NRIP3: variants seen among roughly 807,000 people sequenced by gnomAD.
NRIP3 encodes nuclear receptor-interacting protein 3.
Under a neutral mutation model 29.0 loss-of-function variants are expected in NRIP3, and 31 were observed. The observed-to-expected ratio is 1.07, with a 90% CI of 0.80 to 1.44. NRIP3 has a LOEUF of 1.44. Among genes scored for constraint, NRIP3 ranks in the 40% most tolerant of loss-of-function variants. The probability of loss-of-function intolerance (pLI) is 0.00; values close to 1 mark genes in which losing one functional copy is unlikely to be tolerated. For synonymous variants in NRIP3, 131 were observed against 118.3 expected, an observed-to-expected ratio of 1.11 and a Z score of -0.70; for missense variants, 314 against 297.9, an observed-to-expected ratio of 1.05 and a Z score of -0.40.
At chr11:8,993,918 G>C (rs1183759518) in intron 1 of NRIP3, among the ~76,000 whole-genome samples, 2 of 151,302 alleles carry the variant, frequency 1.3e-5, no homozygotes, top group African/African-American at 2.4e-5. Flanking sequence ...CCTAACACAA[G>C]CAACAGCTTT....
Position 8,992,705 on chromosome 11 carries a change from T to C in NRIP3, c.175-4423A>G, listed in dbSNP as rs1219913763. On this transcript the variant is annotated intron_variant, in intron 1 of 6. Coordinates refer to ENST00000309166, the MANE Select transcript of NRIP3 (RefSeq NM_020645.3). The stretch of plus-strand genomic sequence containing the variant: ...GTGGGCGGATCACGAGATCAGGAGT[T>C]CGAGACCAGCCTGGCCAAGCCAACA... Among the ~76,000 whole-genome samples the C allele has an allele frequency of 2.0e-5, 3 of 151,916 alleles. No homozygotes were observed. The East Asian group carries it at 5.8e-4, about 29-fold the overall frequency.
upstream of NRIP3, chr11:9,004,200 C>T (rs778359408): frequency 2.2e-5 from 7 of 319,186 alleles, no homozygotes; most frequent in Non-Finnish European, 4.0e-5. Flanking sequence ...GGGGACTGAC[C>T]CGGCAGTCCG....
chr11:8,999,490 G>C (rs1252375043), intron 1 of NRIP3, among the ~76,000 whole-genome samples: 2 of 152,080 alleles, frequency 1.3e-5, no homozygotes. Flanking sequence ...TCACCCCTCT[G>C]CTCAAAATAT....
chr11:9,003,693 G>T, intron 1 of NRIP3, 69 bp downstream of exon 1: 6 of 1,334,266 alleles, frequency 4.5e-6, no homozygotes, highest in Non-Finnish European at 5.8e-6. Context: ...AAGCCGCAAC[G>T]GCCGGGCCTC....
intron 1 of NRIP3, among the ~76,000 whole-genome samples, chr11:8,989,413 A>G (rs1854564410): frequency 6.6e-6 from 1 of 152,190 alleles, no homozygotes; most frequent in Non-Finnish European, 1.5e-5. Flanking sequence ...CTTTCATTCT[A>G]TGGGGAAGGA....
intron 1 of NRIP3, among the ~76,000 whole-genome samples, chr11:8,992,771 G>A (rs1057433016): frequency 1.4e-4 from 21 of 152,078 alleles, no homozygotes; most frequent in Admixed American, 7.9e-4. Context: ...AAAATTAGCC[G>A]GGCGTGGTGG....
intron 1 of NRIP3, among the ~76,000 whole-genome samples, chr11:8,998,950 C>T (rs1854755313): frequency 6.6e-6 from 1 of 151,934 alleles, no homozygotes; most frequent in Admixed American, 6.6e-5. Context: ...CTACAGGTGC[C>T]CGCCACCAGG....
At position 8,985,709 on chromosome 11, in the gene NRIP3, A is replaced by G; in HGVS notation, c.562+2T>C. ...ATAGGTCCAGCCCTCAATTCTGCTT[A>G]CCAACCACAGCTGCTGGGCAGTCCA... On this transcript the variant is annotated splice_donor_variant, in intron 4 of 6. Coordinates refer to ENST00000309166, the MANE Select transcript of NRIP3 (RefSeq NM_020645.3). LOFTEE classifies it high-confidence loss of function. 1.2e-6 allele frequency: 2 copies of G among 1,613,592 alleles called. No homozygotes were observed. The highest frequency in any genetic ancestry group is 8.5e-7 in the Non-Finnish European group (1 of 1,179,938).
intron 1 of NRIP3, among the ~76,000 whole-genome samples, chr11:8,994,508 C>A (rs1467809556): frequency 6.6e-6 from 1 of 152,126 alleles, no homozygotes; most frequent in Non-Finnish European, 1.5e-5. Flanking sequence ...AGGTATAATG[C>A]CAGGTTATCT....
intron 1 of NRIP3, among the ~76,000 whole-genome samples, chr11:8,994,689 A>G (rs1388034402): frequency 6.6e-6 from 1 of 152,208 alleles, no homozygotes; most frequent in African/African-American, 2.4e-5. Flanking sequence ...AATAAACTCA[A>G]CATTTCATTT....
At chr11:9,001,652 A>G (rs1391091494) in intron 1 of NRIP3, among the ~76,000 whole-genome samples, 3 of 152,230 alleles carry the variant, frequency 2.0e-5, no homozygotes. Flanking sequence ...ATGTATTTAT[A>G]AAGTAAAAGA....
At chr11:8,983,818 C>T (rs1854460947) in intron 6 of NRIP3, 57 bp downstream of exon 6, 2 of 1,424,522 alleles carry the variant, frequency 1.4e-6, no homozygotes, top group African/African-American at 1.4e-5. Context: ...CACCACCACC[C>T]TGCTCGCAGC....
chr11:9,000,820 G>T (rs931108112), intron 1 of NRIP3, among the ~76,000 whole-genome samples: 7 of 152,028 alleles, frequency 4.6e-5, no homozygotes, highest in African/African-American at 1.7e-4. Context: ...TGTAATCCCA[G>T]CACTTTGGGA....
intron 2 of NRIP3, 137 bp from the exon 3 acceptor site, chr11:8,987,767 C>G: frequency 1.4e-6 from 1 of 711,580 alleles, no homozygotes; most frequent in Non-Finnish European, 2.5e-6. Flanking sequence ...AGTGTCCCAT[C>G]TTTACCCACT....
chr11:8,989,428 AC>A (rs778346318), intron 1 of NRIP3, among the ~76,000 whole-genome samples: 3 of 152,152 alleles, frequency 2.0e-5, no homozygotes, highest in African/African-American at 2.4e-5. Context: ...GAAGGAAGTC[AC>A]TCTTAGAAGC....
intron 3 of NRIP3, among the ~76,000 whole-genome samples, chr11:8,987,208 G>A (rs537681693): frequency 2.0e-5 from 3 of 152,094 alleles, no homozygotes; most frequent in Non-Finnish European, 4.4e-5. Flanking sequence ...TATACCAACA[G>A]GACAGCTCCT....
chr11:8,984,381 G>A (rs1421959190), intron 4 of NRIP3, among the ~76,000 whole-genome samples: 1 of 151,998 alleles, frequency 6.6e-6, no homozygotes, highest in Non-Finnish European at 1.5e-5. Flanking sequence ...TCCTGCCTCA[G>A]CCTCTGGAGT....
At position 8,982,662 on chromosome 11, in the gene NRIP3, A is replaced by T. The variant is rs1854440307; in HGVS notation, c.*883T>A. 4.6e-6 allele frequency: 1 copy of T among 215,940 alleles called. No homozygotes were observed. Among genetic ancestry groups the T allele is most frequent in the Non-Finnish European group, 9.3e-6 (1 of 107,234 alleles). 13.4% of individuals were successfully genotyped at this position (215,940 alleles called of 1,614,324 possible). ...CCTTTCCTCCAAGAGGTTCACAGTG[A>T]GAAACCATTTCATTCATCTTTGTAC... On this transcript the variant is annotated 3_prime_UTR_variant, in exon 7 of 7. Coordinates refer to ENST00000309166, the MANE Select transcript of NRIP3 (RefSeq NM_020645.3).
chr11:8,989,980 A>T (rs1363810148), intron 1 of NRIP3, among the ~76,000 whole-genome samples: 1 of 152,218 alleles, frequency 6.6e-6, no homozygotes, highest in Non-Finnish European at 1.5e-5. Context: ...CTTGCTAAAC[A>T]CTTTATCTAG....
Sources: gnomAD v4.1 joint callset for allele counts (sites outside exome capture counted in the v4.1 genomes callset) on GRCh38, gnomAD v4.1.1 for gene constraint, MANE v1.5 for transcripts, NCBI Gene and HGNC (gene_info 2026-07-23, HGNC 2026-07-21) for gene names.